Variants in TMCO4 observed in about 807,000 individuals in gnomAD.
TMCO4 encodes the protein transmembrane and coiled-coil domain-containing protein 4.
In TMCO4, 58 loss-of-function variants were observed where a neutral mutation model predicts 64.7. The observed-to-expected ratio is 0.90, with a 90% CI of 0.73 to 1.12. The LOEUF (loss-of-function observed/expected upper bound fraction) is 1.12, where lower values mean the gene tolerates loss of function less well. Ranked by LOEUF, TMCO4 falls within the 50% of genes most tolerant of loss-of-function variation. TMCO4 has a pLI of 0.00. For synonymous variants in TMCO4, 325 were observed against 346.1 expected (o/e 0.94, Z 0.68); for missense variants, 780 against 825.9 (o/e 0.94, Z 0.68).
intron 2 of TMCO4, among the ~76,000 whole-genome samples, chr1:19,792,614 T>A (rs1249912689): frequency 6.6e-6 from 1 of 152,152 alleles, no homozygotes; most frequent in Non-Finnish European, 1.5e-5. Context: ...GTCAATACCA[T>A]CTTTGAAAAT....
At chr1:19,741,580 C>A (rs137944808) in intron 10 of TMCO4, among the ~76,000 whole-genome samples, 7 of 152,076 alleles carry the variant, frequency 4.6e-5, no homozygotes, top group African/African-American at 1.7e-4. Context: ...CTGTAGCGGC[C>A]GATGCCAAGT....
intron 13 of TMCO4, among the ~76,000 whole-genome samples, chr1:19,737,063 C>T (rs1014323677): frequency 1.3e-5 from 2 of 152,198 alleles, no homozygotes; most frequent in African/African-American, 4.8e-5. Context: ...GAAAGTGCAC[C>T]TGCCAACACC....
Position 19,682,916 on chromosome 1 carries a change from C to A in TMCO4, c.*124G>T. 1.6e-6 allele frequency: 2 copies of A among 1,278,256 alleles called. No individual in the cohort carries two copies. The highest frequency in any genetic ancestry group is 2.2e-6 in the Non-Finnish European group (2 of 916,778). The allele number at this position is 1,278,256 out of a possible 1,614,324, so 79.2% of individuals were successfully genotyped here. ...TTTCCTTTCCCTTTCAGTTCCAATT[C>A]CTTCCATTTAGGAAAGAGGCCTGTG... On this transcript the variant is annotated 3_prime_UTR_variant, in exon 16 of 16. Transcript: ENST00000294543.
In TMCO4 at chr1:19,743,028, G is replaced by A. The variant is rs1430279476; in HGVS notation, c.878-2087C>T. ...TCGCGCCACTGCACTCCAGCCTGGTGATACAGCAAGACTCCGTCTCCAAAA... is the reference window on the plus strand; with the variant it reads ...TCGCGCCACTGCACTCCAGCCTGGTAATACAGCAAGACTCCGTCTCCAAAA... On this transcript the variant is annotated intron_variant, in intron 10 of 15. Transcript: ENST00000294543. The surrounding 1 kb of genome is among the most constrained non-coding windows in gnomAD (Gnocchi z 4.1). Among the ~76,000 whole-genome samples the A allele has an allele frequency of 1.3e-5, 2 of 151,868 alleles. No homozygotes were observed. The highest frequency in any genetic ancestry group is 1.3e-4 in the Admixed American group (2 of 15,232).
chr1:19,793,855 C>G (rs940084981), intron 2 of TMCO4, among the ~76,000 whole-genome samples: 1 of 152,150 alleles, frequency 6.6e-6, no homozygotes, highest in East Asian at 1.9e-4. Flanking sequence ...TACTGGGTCA[C>G]GCCTCTCCAC....
chr1:19,690,960 C>T (rs2095188852), intron 15 of TMCO4, among the ~76,000 whole-genome samples: 2 of 151,390 alleles, frequency 1.3e-5, no homozygotes, highest in Admixed American at 1.3e-4. Flanking sequence ...GCTCCACCTC[C>T]TGGGGTCATG....
At chr1:19,759,539 C>T (rs200317393) in intron 6 of TMCO4, among the ~76,000 whole-genome samples, 3 of 152,350 alleles carry the variant, frequency 2.0e-5, no homozygotes, top group South Asian at 2.1e-4. Context: ...TCCGACCTCA[C>T]CTTCTACCCG....
intron 4 of TMCO4, among the ~76,000 whole-genome samples, chr1:19,772,604 G>T (rs2043034665): frequency 6.6e-6 from 1 of 152,130 alleles, no homozygotes; most frequent in South Asian, 2.1e-4. Context: ...GGCCAGGAGA[G>T]TCACTTAGAA....
At chr1:19,710,343 G>A (rs1186473825) in intron 13 of TMCO4, among the ~76,000 whole-genome samples, 4 of 150,968 alleles carry the variant, frequency 2.6e-5, no homozygotes, top group Non-Finnish European at 5.9e-5. Context: ...GAACTCCTGA[G>A]CTCAAGCAAT....
Position 19,732,148 on chromosome 1 carries a change from C to T in TMCO4, c.1264+5224G>A, listed in dbSNP as rs981096301. 1.3e-5 allele frequency among the ~76,000 whole-genome samples: 2 copies of T among 152,124 alleles called. No homozygotes were observed. Among genetic ancestry groups the T allele is most frequent in the Non-Finnish European group, 2.9e-5 (2 of 68,022 alleles). On this transcript the variant is annotated intron_variant, in intron 13 of 15. Coordinates refer to ENST00000294543, the MANE Select transcript of TMCO4 (RefSeq NM_181719.7). This position sits in a 1 kb window ranked among gnomAD's most constrained non-coding sequence, Gnocchi z 4.8. ...TGAATGTGCGCACACCTGCTGCTCA[C>T]ATTTGGAATAAGCTATGGCTAACTA...
At chr1:19,742,925 C>T (rs1403193585) in intron 10 of TMCO4, among the ~76,000 whole-genome samples, 2 of 152,112 alleles carry the variant, frequency 1.3e-5, no homozygotes, top group Non-Finnish European at 2.9e-5. Context: ...TGGCACATGC[C>T]TGTAATCCCA....
intron 13 of TMCO4, among the ~76,000 whole-genome samples, chr1:19,702,302 A>T (rs1437057164): frequency 6.6e-6 from 1 of 151,694 alleles, no homozygotes; most frequent in Admixed American, 6.6e-5. Context: ...AAAAAAAAAA[A>T]AAGTCAGGGC....
At position 19,694,570 on chromosome 1, in the gene TMCO4, G is replaced by A; in HGVS notation, c.1383-19C>T. 1 of 1,610,736 alleles carries A rather than the reference G, an allele frequency of 6.2e-7. No homozygotes were observed. On this transcript the variant is annotated intron_variant, in intron 14 of 15. Transcript: ENST00000294543. ...GTCTCCCCTGTGGGAGGGTAGAGAA[G>A]CATGTGAACATTAGCACCAGCCTCG...
At chr1:19,774,352 T>C (rs1237883486) in intron 4 of TMCO4, among the ~76,000 whole-genome samples, 1 of 152,160 alleles carries the variant, frequency 6.6e-6, no homozygotes, top group Non-Finnish European at 1.5e-5. Flanking sequence ...AGCTCTACCA[T>C]GAGCTGTGTG....
chr1:19,794,022 C>G (rs2044183363), intron 2 of TMCO4, among the ~76,000 whole-genome samples: 1 of 152,096 alleles, frequency 6.6e-6, no homozygotes, highest in Non-Finnish European at 1.5e-5. Flanking sequence ...CCGCTGCAAT[C>G]TGGCCTGAAT....
chr1:19,702,579 T>C (rs1247136018), intron 13 of TMCO4, among the ~76,000 whole-genome samples: 2 of 151,586 alleles, frequency 1.3e-5, no homozygotes, highest in Admixed American at 6.6e-5. Context: ...GGGCCACAGA[T>C]TGAGATTCTG....
chr1:19,737,259 T>C, intron 13 of TMCO4, 113 bp downstream of exon 13: 1 of 1,073,978 alleles, frequency 9.3e-7, no homozygotes, highest in Non-Finnish European at 1.4e-6. Flanking sequence ...TTAACTATTA[T>C]TTCTAAGAAC....
At chr1:19,712,245 T>C (rs945186921) in intron 13 of TMCO4, among the ~76,000 whole-genome samples, 2 of 152,252 alleles carry the variant, frequency 1.3e-5, no homozygotes, top group Non-Finnish European at 2.9e-5. Context: ...CACCGTCTTA[T>C]ATGGACAATG....
At chr1:19,738,897 CACCA>C (rs2095467422) in intron 12 of TMCO4, among the ~76,000 whole-genome samples, 1 of 152,242 alleles carries the variant, frequency 6.6e-6, no homozygotes. Flanking sequence ...GCCAGTGAGA[CACCA>C]ACTGAAATGT....
Sources: allele counts gnomAD v4.1 joint callset (sites outside exome capture counted in the v4.1 genomes callset), GRCh38; gene constraint gnomAD v4.1.1; non-coding constraint Gnocchi (gnomAD v3.1); transcripts MANE v1.5; gene names NCBI Gene and HGNC (gene_info 2026-07-23, HGNC 2026-07-21).